PIEZO2: variants seen among roughly 807,000 people sequenced by gnomAD.
PIEZO2 encodes the protein piezo-type mechanosensitive ion channel component 2.
A neutral mutation model predicts 337.3 loss-of-function variants in PIEZO2; 172 were observed. That is an observed-to-expected ratio of 0.51 (90% confidence interval 0.45 to 0.58). The LOEUF is 0.58. Among genes scored for constraint, PIEZO2 ranks in the 20% least tolerant of loss-of-function variants. PIEZO2 has a pLI of 0.00. For missense variants in PIEZO2, 3,028 were observed against 3,391.3 expected, an observed-to-expected ratio of 0.89 and a Z score of 2.66; for synonymous variants, 1,251 against 1,228.5, an observed-to-expected ratio of 1.02 and a Z score of -0.38.
intron 1 of PIEZO2, among the ~76,000 whole-genome samples, chr18:11,072,296 C>T (rs888646248): frequency 6.6e-6 from 1 of 152,052 alleles, no homozygotes; most frequent in African/African-American, 2.4e-5. Context: ...TAAAAGAAAC[C>T]GAAGGGTATC....
chr18:11,000,660 G>A (rs900809042), intron 2 of PIEZO2, among the ~76,000 whole-genome samples: 3 of 152,114 alleles, frequency 2.0e-5, no homozygotes, highest in African/African-American at 4.8e-5. Flanking sequence ...CTCCTACACC[G>A]CATGCTGTAT....
Position 11,125,550 on chromosome 18 carries a change from C to T in PIEZO2, c.64+22975G>A, listed in dbSNP as rs149205018. 6.9e-4 allele frequency among the ~76,000 whole-genome samples: 105 copies of T among 152,228 alleles called. No homozygotes were observed. Among genetic ancestry groups the T allele is most frequent in the African/African-American group, 1.9e-3 (78 of 41,536 alleles). The stretch of plus-strand genomic sequence containing the variant: ...TTGGATTGTTTCCTCAATACATCTG[C>T]GGAAACCAAGACACACTCCATTCCA... On this transcript the variant is annotated intron_variant, in intron 1 of 55. Coordinates refer to ENST00000674853, the MANE Select transcript of PIEZO2 (RefSeq NM_001378183.1). This position sits in a 1 kb window ranked among gnomAD's most constrained non-coding sequence, Gnocchi z 4.4.
chr18:10,856,962 T>C lies in PIEZO2; in HGVS notation c.703+39A>G. On this transcript the variant is annotated intron_variant, in intron 6 of 55. Coordinates refer to ENST00000674853, the MANE Select transcript of PIEZO2 (RefSeq NM_001378183.1). The surrounding 1 kb of genome is among the most constrained non-coding windows in gnomAD (Gnocchi z 4.7). ...CTCTCATTCACCAAAGCACTGCTTGTGCCTTTTGCTACGTGCAGCCAGTGT... is the reference window on the plus strand; with the variant it reads ...CTCTCATTCACCAAAGCACTGCTTGCGCCTTTTGCTACGTGCAGCCAGTGT... 1 of 1,506,440 alleles carries C rather than the reference T, an allele frequency of 6.6e-7. No individual in the cohort carries two copies. Among genetic ancestry groups the C allele is most frequent in the Non-Finnish European group, 8.9e-7 (1 of 1,119,514 alleles). 93.3% of individuals were successfully genotyped at this position (1,506,440 alleles called of 1,614,324 possible).
At chr18:10,890,213 G>A (rs2042716172) in intron 4 of PIEZO2, among the ~76,000 whole-genome samples, 1 of 152,166 alleles carries the variant, frequency 6.6e-6, no homozygotes, top group Non-Finnish European at 1.5e-5. Flanking sequence ...TATTTAGTGA[G>A]GACACAGTCT....
At position 10,833,161 on chromosome 18, in the gene PIEZO2, C is replaced by G. The variant is rs1403574683; in HGVS notation, c.917+22192G>C. Reference sequence around the variant, plus strand: ...CAGAGAGGCAGCAACACCCAAGGAACACAGTGGCAGGATGGGGCAGTCGTC... The same window carrying G: ...CAGAGAGGCAGCAACACCCAAGGAAGACAGTGGCAGGATGGGGCAGTCGTC... On this transcript the variant is annotated intron_variant, in intron 7 of 55. Coordinates refer to ENST00000674853, the MANE Select transcript of PIEZO2 (RefSeq NM_001378183.1). The surrounding 1 kb of genome is among the most constrained non-coding windows in gnomAD (Gnocchi z 4.7). Among the ~76,000 whole-genome samples, 1 of 152,124 alleles carries G rather than the reference C, an allele frequency of 6.6e-6. No homozygotes were observed. The highest frequency in any genetic ancestry group is 2.4e-5 in the African/African-American group (1 of 41,406).
intron 3 of PIEZO2, among the ~76,000 whole-genome samples, chr18:10,934,331 C>T (rs934977256): frequency 1.3e-5 from 2 of 152,138 alleles, no homozygotes; most frequent in East Asian, 1.9e-4. Flanking sequence ...TAAGTCCCTC[C>T]CTGCAAGTCA....
chr18:10,750,286 G>A lies in PIEZO2; in HGVS notation c.4168-99C>T, dbSNP rs929622502. On this transcript the variant is annotated intron_variant, in intron 28 of 55. Coordinates refer to ENST00000674853, the MANE Select transcript of PIEZO2 (RefSeq NM_001378183.1). The surrounding 1 kb of genome is among the most constrained non-coding windows in gnomAD (Gnocchi z 4.1). ...ATGTGCAAGAATTCACAAGGTCTCA[G>A]TGATAAGGATTCCAGGAGATGCCAA... 2.0e-4 allele frequency: 174 copies of A among 855,322 alleles called. 3 individuals carry two copies. The South Asian group carries it at 2.4e-3, about 12-fold the overall frequency. 53.0% of individuals were successfully genotyped at this position (855,322 alleles called of 1,614,324 possible). A position where few individuals can be genotyped will look rare whatever the true frequency, so the allele number is the denominator to read the frequency against.
At chr18:10,869,805 C>T (rs2042095337) in intron 5 of PIEZO2, among the ~76,000 whole-genome samples, 1 of 152,216 alleles carries the variant, frequency 6.6e-6, no homozygotes, top group African/African-American at 2.4e-5. Flanking sequence ...ATCATTTTAA[C>T]ATTTGCCTTA....
At chr18:10,725,494 C>T in intron 36 of PIEZO2, 2 of 1,474,570 alleles carry the variant, frequency 1.4e-6, no homozygotes, top group Non-Finnish European at 1.9e-6. Context: ...GATGGGTAGG[C>T]ATGAAAGGGG....
chr18:10,927,461 C>G (rs2031815646), intron 3 of PIEZO2, among the ~76,000 whole-genome samples: 1 of 152,178 alleles, frequency 6.6e-6, no homozygotes, highest in Admixed American at 6.5e-5. Context: ...GCTGATGTAA[C>G]AGTTCTGTGA....
intron 16 of PIEZO2, among the ~76,000 whole-genome samples, chr18:10,785,816 C>A (rs1045638461): frequency 6.6e-6 from 1 of 152,198 alleles, no homozygotes; most frequent in African/African-American, 2.4e-5. Flanking sequence ...TGTTTCTACT[C>A]CCACACATCG....
At chr18:11,141,510 A>T (rs912921724) in intron 1 of PIEZO2, among the ~76,000 whole-genome samples, 3 of 152,172 alleles carry the variant, frequency 2.0e-5, no homozygotes, top group Non-Finnish European at 4.4e-5. Flanking sequence ...CAGAATGTAG[A>T]GCCACGCAAC....
chr18:10,714,670 GA>G lies in PIEZO2; in HGVS notation c.5423+93del, dbSNP rs1324012178. On this transcript the variant is annotated intron_variant, in intron 39 of 55. Coordinates refer to ENST00000674853, the MANE Select transcript of PIEZO2 (RefSeq NM_001378183.1). The stretch of plus-strand genomic sequence containing the variant: ...GTGGGGGTCCATGCATGGTTTTGAT[GA>G]ACTTTCACCTCACACATTCATTTCT... 3 of 1,408,012 alleles carry G rather than the reference GA, an allele frequency of 2.1e-6. No homozygotes were observed. In the Admixed American group the frequency reaches 6.3e-5, roughly 30 times the overall value. The allele number at this position is 1,408,012 out of a possible 1,614,324, so 87.2% of individuals were successfully genotyped here.
chr18:10,740,911 CT>C, intron 33 of PIEZO2, 119 bp downstream of exon 33: 2 of 1,064,852 alleles, frequency 1.9e-6, no homozygotes, highest in Non-Finnish European at 2.8e-6. Context: ...CTCCGACCCC[CT>C]ATCAAGTCAC....
intron 4 of PIEZO2, among the ~76,000 whole-genome samples, chr18:10,900,659 T>G (rs570288969): frequency 6.6e-6 from 1 of 152,320 alleles, no homozygotes; most frequent in Non-Finnish European, 1.5e-5. Flanking sequence ...TAGTGACCAC[T>G]AGTCACCGTG....
chr18:10,897,057 A>C (rs1161555139), intron 4 of PIEZO2, among the ~76,000 whole-genome samples: 1 of 152,216 alleles, frequency 6.6e-6, no homozygotes, highest in Non-Finnish European at 1.5e-5. Context: ...AAAAATGCTA[A>C]ACATCACTGC....
rs1375448259 is a variant in PIEZO2 at position 10,834,411 on chromosome 18, A to G, written c.917+20942T>C. Reference sequence around the variant, plus strand: ...GAAGTAACTAGCACCCGACAATACTATGTGCTCAATACACCTTAACTATTA... The same window carrying G: ...GAAGTAACTAGCACCCGACAATACTGTGTGCTCAATACACCTTAACTATTA... On this transcript the variant is annotated intron_variant, in intron 7 of 55. Coordinates refer to ENST00000674853, the MANE Select transcript of PIEZO2 (RefSeq NM_001378183.1). The surrounding 1 kb of genome is among the most constrained non-coding windows in gnomAD (Gnocchi z 4.5). Among the ~76,000 whole-genome samples the G allele has an allele frequency of 6.6e-6, 1 of 152,184 alleles. No individual in the cohort carries two copies. The highest frequency in any genetic ancestry group is 2.4e-5 in the African/African-American group (1 of 41,428).
chr18:10,756,717 A>G (rs1472484973), intron 27 of PIEZO2, among the ~76,000 whole-genome samples: 2 of 146,996 alleles, frequency 1.4e-5, no homozygotes, highest in Non-Finnish European at 3.0e-5. Flanking sequence ...ATGAGGAGGG[A>G]TGGGGATAAA....
rs1357055180 is a variant in PIEZO2 at position 10,945,083 on chromosome 18, A to T, written c.287-33855T>A. 2.6e-5 allele frequency among the ~76,000 whole-genome samples: 4 copies of T among 152,214 alleles called. No individual in the cohort carries two copies. On this transcript the variant is annotated intron_variant, in intron 3 of 55. Transcript: ENST00000674853. The surrounding 1 kb of genome is among the most constrained non-coding windows in gnomAD (Gnocchi z 4.0). Reference sequence around the variant, plus strand: ...AGTATTAGAGAATAGATTGCAGCACAGAAGAAGGGCCCCGGAGATCTGTGA... The same window carrying T: ...AGTATTAGAGAATAGATTGCAGCACTGAAGAAGGGCCCCGGAGATCTGTGA...
Sources: gnomAD v4.1 joint callset for allele counts (sites outside exome capture counted in the v4.1 genomes callset) on GRCh38, gnomAD v4.1.1 for gene constraint, Gnocchi (gnomAD v3.1) non-coding constraint, MANE v1.5 for transcripts, NCBI Gene and HGNC (gene_info 2026-07-23, HGNC 2026-07-21) for gene names.